The following RHAG variants were observed in gnomAD, a reference collection of about 807,000 sequenced individuals.
RHAG encodes Rh associated glycoprotein.
Under a neutral mutation model 42.4 loss-of-function variants are expected in RHAG, and 25 were observed. The observed-to-expected ratio is 0.59, with a 90% CI of 0.43 to 0.82. RHAG has a LOEUF of 0.82. Among genes scored for constraint, RHAG ranks in the 40% least tolerant of loss-of-function variants. The pLI, the probability that RHAG is intolerant of heterozygous loss-of-function variation, is 0.00. For synonymous variants in RHAG, 182 were observed against 177.7 expected (o/e 1.02, Z -0.19); for missense variants, 483 against 504.6 (o/e 0.96, Z 0.41).
intron 3 of RHAG, among the ~76,000 whole-genome samples, chr6:49,616,229 A>G (rs990605662): frequency 5.3e-5 from 8 of 152,002 alleles, no homozygotes; most frequent in African/African-American, 1.9e-4. Flanking sequence ...CACGCCTTGT[A>G]GTCCCAGCTA....
intron 1 of RHAG, among the ~76,000 whole-genome samples, chr6:49,623,673 G>C (rs13203838): frequency 0.2 from 30,078 of 152,136 alleles, 3,860 homozygotes; most frequent in Middle Eastern, 0.29. Context: ...CTGATGTCCT[G>C]AGGGTACAGA....
intron 5 of RHAG, 133 bp from the exon 6 acceptor site, chr6:49,612,667 G>T (rs1318484409): frequency 9.1e-6 from 10 of 1,101,260 alleles, no homozygotes; most frequent in Non-Finnish European, 1.2e-5. Context: ...TTTTTAAAAA[G>T]AGGTTTGTTT....
chr6:49,617,296 T>C (rs1481614724), intron 3 of RHAG, among the ~76,000 whole-genome samples: 1 of 152,228 alleles, frequency 6.6e-6, no homozygotes, highest in Non-Finnish European at 1.5e-5. Flanking sequence ...TACAATCTAA[T>C]CTTCCAGTTA....
At chr6:49,615,534 C>A in intron 4 of RHAG, 90 bp downstream of exon 4, 1 of 1,447,936 alleles carries the variant, frequency 6.9e-7, no homozygotes. Context: ...CTTGGATGTT[C>A]TTTTTGAGCA....
chr6:49,608,385 T>C (rs1008335720), intron 7 of RHAG, among the ~76,000 whole-genome samples: 2 of 152,196 alleles, frequency 1.3e-5, no homozygotes, highest in Non-Finnish European at 2.9e-5. Flanking sequence ...AGGCTACATA[T>C]ACCTCTTTTT....
chr6:49,633,580 C>A (rs1762964956), intron 1 of RHAG, among the ~76,000 whole-genome samples: 1 of 152,096 alleles, frequency 6.6e-6, no homozygotes, highest in Non-Finnish European at 1.5e-5. Context: ...TGAGACCCAC[C>A]TTTCCTGAAG....
At chr6:49,624,168 G>T (rs967547151) in intron 1 of RHAG, among the ~76,000 whole-genome samples, 1 of 152,120 alleles carries the variant, frequency 6.6e-6, no homozygotes, top group African/African-American at 2.4e-5. Flanking sequence ...GATAAGTTGT[G>T]TCTTTCACAT....
chr6:49,618,703 G>A (rs11759060), intron 2 of RHAG, among the ~76,000 whole-genome samples: 31,270 of 152,104 alleles, frequency 0.21, 3,984 homozygotes, highest in Non-Finnish European at 0.28. Context: ...ACAATTTTCT[G>A]TTGCATAAGG....
At chr6:49,605,885 G>A (rs1478374687) in intron 9 of RHAG, 55 bp from the exon 10 acceptor site, 5 of 1,400,932 alleles carry the variant, frequency 3.6e-6, no homozygotes. Context: ...GTTCTTGTCA[G>A]AAATTAGTAT....
chr6:49,629,712 C>T (rs975324587), intron 1 of RHAG, among the ~76,000 whole-genome samples: 5 of 152,220 alleles, frequency 3.3e-5, no homozygotes, highest in African/African-American at 7.2e-5. Flanking sequence ...CAGCTAAGGC[C>T]CCGTGAGAAA....
At chr6:49,622,078 C>G (rs901091596) in intron 1 of RHAG, among the ~76,000 whole-genome samples, 1 of 151,484 alleles carries the variant, frequency 6.6e-6, no homozygotes, top group Admixed American at 6.6e-5. Flanking sequence ...GGCTCTGCGT[C>G]TCCACCCAAA....
intron 1 of RHAG, among the ~76,000 whole-genome samples, chr6:49,634,694 T>C (rs565501090): frequency 2.6e-5 from 4 of 152,172 alleles, no homozygotes; most frequent in African/African-American, 9.6e-5. Flanking sequence ...CTTACGAGAA[T>C]TGGTAGCTTA....
In RHAG at chr6:49,635,387, T is replaced by C. The variant is rs576634688; in HGVS notation, c.157+1269A>G. Among the ~76,000 whole-genome samples, 149 of 152,272 alleles carry C rather than the reference T, an allele frequency of 9.8e-4. 1 individual carries two copies. Among genetic ancestry groups the C allele is most frequent in the Non-Finnish European group, 1.8e-3 (120 of 67,994 alleles). On this transcript the variant is annotated intron_variant, in intron 1 of 9. Coordinates refer to ENST00000371175, the MANE Select transcript of RHAG (RefSeq NM_000324.3). ...ACAAGTGTATCAGATAGTGGAGTCT[T>C]AGAATAAAAGAATCATATTTGTTTT...
rs529782874 is a variant in RHAG at position 49,614,607 on chromosome 6, G to A, written c.807+80C>T. 1.9e-5 allele frequency: 23 copies of A among 1,185,896 alleles called. No homozygotes were observed. The South Asian group carries it at 2.2e-4, about 11-fold the overall frequency. The allele number at this position is 1,185,896 out of a possible 1,614,324, so 73.5% of individuals were successfully genotyped here. On this transcript the variant is annotated intron_variant, in intron 5 of 9. Transcript: ENST00000371175. ...TTTGTCTTGAGAGTTCAGCAGTGAT[G>A]CAGAAATTACCTACTACTTATCTGA...
At chr6:49,615,299 G>C in intron 4 of RHAG, 1 of 274,958 alleles carries the variant, frequency 3.6e-6, no homozygotes, top group East Asian at 9.0e-5. Context: ...GTTTAGTCTT[G>C]ATTATCTACA....
chr6:49,621,163 A>G (rs571669242), intron 1 of RHAG, among the ~76,000 whole-genome samples: 2 of 152,024 alleles, frequency 1.3e-5, no homozygotes, highest in East Asian at 3.9e-4. Context: ...GTGGTACACT[A>G]CTCAGGCTTG....
intron 7 of RHAG, among the ~76,000 whole-genome samples, chr6:49,607,921 T>G (rs1762502833): frequency 6.6e-6 from 1 of 152,134 alleles, no homozygotes; most frequent in African/African-American, 2.4e-5. Context: ...TTTTTTGGTC[T>G]TCCAGTCTCA....
chr6:49,614,446 C>G (rs1160961216), intron 5 of RHAG, among the ~76,000 whole-genome samples: 1 of 152,036 alleles, frequency 6.6e-6, no homozygotes, highest in Non-Finnish European at 1.5e-5. Context: ...AGGTAATCCC[C>G]CTGTCTAGGC....
intron 5 of RHAG, among the ~76,000 whole-genome samples, chr6:49,613,927 A>G (rs1762607699): frequency 6.6e-6 from 1 of 152,192 alleles, no homozygotes; most frequent in Non-Finnish European, 1.5e-5. Flanking sequence ...TGAAGATCCC[A>G]CATTGCATTT....
Sources: gnomAD v4.1 joint callset for allele counts (sites outside exome capture counted in the v4.1 genomes callset) on GRCh38, gnomAD v4.1.1 for gene constraint, MANE v1.5 for transcripts, NCBI Gene and HGNC (gene_info 2026-07-23, HGNC 2026-07-21) for gene names.